Variants in KIAA0232 observed in about 807,000 individuals in gnomAD.
KIAA0232 encodes KIAA0232.
A neutral mutation model predicts 122.0 loss-of-function variants in KIAA0232; 27 were observed. That is an observed-to-expected ratio of 0.22 (90% confidence interval 0.16 to 0.31). The LOEUF (loss-of-function observed/expected upper bound fraction) is 0.31. Ranked by LOEUF, KIAA0232 falls within the 10% of genes least tolerant of loss-of-function variation. The pLI is 1.00. For missense variants in KIAA0232, 1,551 were observed against 1,634.2 expected (o/e 0.95, Z 0.88); for synonymous variants, 613 against 587.6 (o/e 1.04, Z -0.63).
At position 6,881,781 on chromosome 4, in the gene KIAA0232, T is replaced by G. The variant is rs1722083037; in HGVS notation, c.*815T>G. The G allele has an allele frequency of 6.6e-6, 1 of 152,578 alleles. No individual in the cohort carries two copies. Among genetic ancestry groups the G allele is most frequent in the African/African-American group, 2.4e-5 (1 of 41,436 alleles). The allele number at this position is 152,578 out of a possible 1,614,324, so 9.5% of individuals were successfully genotyped here. On this transcript the variant is annotated 3_prime_UTR_variant, in exon 10 of 10. Coordinates refer to ENST00000307659, the MANE Select transcript of KIAA0232 (RefSeq NM_014743.3). The stretch of plus-strand genomic sequence containing the variant: ...GAGTGTTCCATACGTGCTAAGGACC[T>G]TAGTTACAGATTGTTACTTTCTGGT...
chr4:6,848,264 G>C (rs899666857), intron 4 of KIAA0232, among the ~76,000 whole-genome samples: 2 of 152,194 alleles, frequency 1.3e-5, no homozygotes, highest in African/African-American at 4.8e-5. Context: ...TTTATATGCT[G>C]TACAGGGTTA....
At chr4:6,791,243 A>C (rs1388254455) in intron 1 of KIAA0232, among the ~76,000 whole-genome samples, 1 of 150,748 alleles carries the variant, frequency 6.6e-6, no homozygotes, top group Non-Finnish European at 1.5e-5. Flanking sequence ...TTAAAGTTTA[A>C]ATTAAACTTG....
At chr4:6,827,207 A>G (rs1718736553) in intron 3 of KIAA0232, among the ~76,000 whole-genome samples, 1 of 152,228 alleles carries the variant, frequency 6.6e-6, no homozygotes, top group African/African-American at 2.4e-5. Context: ...TGACTTGAGA[A>G]TCCTTTATCC....
rs1470650229 is a variant in KIAA0232 at position 6,861,028 on chromosome 4, A to G, written c.646A>G (p.Ser216Gly). 1 of 1,614,102 alleles carries G rather than the reference A, an allele frequency of 6.2e-7. No homozygotes were observed. ...SSSSSTAPPA[S>G]TDTSSPKDCN... ...TTCATCATCCACAGCCCCACCAGCT[A>G]GCACAGATACTTCCTCTCCTAAGGA... is the stretch of plus-strand genomic sequence containing the variant. The change falls in exon 7 of 10, where the codon AGC (serine) becomes GGC (glycine). Residue 216 changes from serine to glycine, a missense_variant. Physicochemically the swap from Ser to Gly is moderately conservative, Grantham distance 56. Transcript: ENST00000307659.
chr4:6,841,584 T>C (rs918472428), intron 3 of KIAA0232, among the ~76,000 whole-genome samples: 2 of 152,112 alleles, frequency 1.3e-5, no homozygotes, highest in Non-Finnish European at 2.9e-5. Flanking sequence ...AAGAGGGCAG[T>C]TAGGTAAGGA....
rs755477802 is a variant in KIAA0232 at position 6,862,997 on chromosome 4, A to G, written c.2615A>G (p.Gln872Arg). ...LDAEAELETLQEPDKAVRRSE... is the reference protein window; with the variant it reads ...LDAEAELETLREPDKAVRRSE... ...GCTGAAGCTGAACTGGAGACCCTTC[A>G]GGAGCCTGATAAGGCTGTGCGGAGG... Residue 872 changes from glutamine to arginine, a missense_variant, in exon 7 of 10, where the codon CAG becomes CGG. By Grantham distance (43) the Gln-to-Arg change is conservative. Around this residue, in one of 5 missense-constraint regions of KIAA0232, gnomAD observed 1,108 missense variants for 1,154.8 expected, o/e 0.96. Transcript: ENST00000307659. The G allele has an allele frequency of 6.2e-7, 1 of 1,614,256 alleles. No homozygotes were observed. Among genetic ancestry groups the G allele is most frequent in the Non-Finnish European group, 8.5e-7 (1 of 1,180,044 alleles).
At chr4:6,833,995 G>A (rs1032876555) in intron 3 of KIAA0232, among the ~76,000 whole-genome samples, 2 of 152,162 alleles carry the variant, frequency 1.3e-5, no homozygotes, top group African/African-American at 4.8e-5. Flanking sequence ...CTTGGAATCT[G>A]AAGACCTGTG....
intron 3 of KIAA0232, among the ~76,000 whole-genome samples, chr4:6,831,319 G>T (rs534637585): frequency 5.9e-5 from 9 of 152,172 alleles, no homozygotes; most frequent in Non-Finnish European, 1.2e-4. Flanking sequence ...CTCCCAAAGC[G>T]CTGGGATTAC....
At chr4:6,800,354 T>C (rs1489443360) in intron 1 of KIAA0232, among the ~76,000 whole-genome samples, 1 of 150,708 alleles carries the variant, frequency 6.6e-6, no homozygotes, top group Non-Finnish European at 1.5e-5. Flanking sequence ...TTACGTATGC[T>C]CTATTTTCTT....
intron 1 of KIAA0232, among the ~76,000 whole-genome samples, chr4:6,802,467 T>C (rs940956256): frequency 1.3e-5 from 2 of 152,180 alleles, no homozygotes; most frequent in Admixed American, 1.3e-4. Flanking sequence ...ATTGATTTCA[T>C]TTGACTCATT....
At chr4:6,826,695 C>T (rs1718704881) in intron 3 of KIAA0232, among the ~76,000 whole-genome samples, 1 of 152,060 alleles carries the variant, frequency 6.6e-6, no homozygotes, top group East Asian at 1.9e-4. Flanking sequence ...ATGTCTCTTT[C>T]TGTTGCCTAG....
intron 3 of KIAA0232, among the ~76,000 whole-genome samples, chr4:6,830,114 A>G (rs1430127775): frequency 6.6e-6 from 1 of 152,208 alleles, no homozygotes; most frequent in Non-Finnish European, 1.5e-5. Flanking sequence ...AAGCAAACAC[A>G]TATGTATCAT....
rs948750999 is a variant in KIAA0232, at chr4:6,881,720, A to G, written c.*754A>G. On this transcript the variant is annotated 3_prime_UTR_variant, in exon 10 of 10. Coordinates refer to ENST00000307659, the MANE Select transcript of KIAA0232 (RefSeq NM_014743.3). ...TTACCTGCTCTCATACTGCAGTTAC[A>G]TTTACACCAAAACCCCATGCAGGGT... 1 of 152,518 alleles carries G rather than the reference A, an allele frequency of 6.6e-6. No individual in the cohort carries two copies. The highest frequency in any genetic ancestry group is 1.5e-5 in the Non-Finnish European group (1 of 68,026). The allele number at this position is 152,518 out of a possible 1,614,324, so 9.4% of individuals were successfully genotyped here.
chr4:6,867,297 G>A (rs1253471737), intron 7 of KIAA0232, among the ~76,000 whole-genome samples: 1 of 152,182 alleles, frequency 6.6e-6, no homozygotes, highest in East Asian at 1.9e-4. Flanking sequence ...GGTTTCTTGA[G>A]CATATCTGAG....
chr4:6,853,272 A>C (rs1720391531), intron 4 of KIAA0232, among the ~76,000 whole-genome samples: 1 of 152,180 alleles, frequency 6.6e-6, no homozygotes, highest in African/African-American at 2.4e-5. Context: ...TAGAAATGAA[A>C]AACTCAATAG....
chr4:6,844,097 G>A (rs544657819), intron 4 of KIAA0232, among the ~76,000 whole-genome samples: 7 of 150,992 alleles, frequency 4.6e-5, no homozygotes, highest in South Asian at 2.1e-4. Flanking sequence ...CCGCCACCAC[G>A]CCCGGCTAAT....
chr4:6,859,117 AAAAAAAC>A (rs1324415434), intron 6 of KIAA0232, among the ~76,000 whole-genome samples: 1 of 151,544 alleles, frequency 6.6e-6, no homozygotes, highest in East Asian at 1.9e-4. Context: ...AAAAAAAAAA[AAAAAAAC>A]AAGAAAGAAA....
intron 8 of KIAA0232, 88 bp from the exon 9 acceptor site, chr4:6,876,572 A>G: frequency 1.0e-6 from 1 of 954,708 alleles, no homozygotes; most frequent in Admixed American, 1.9e-5. Flanking sequence ...TTTAGTGAAA[A>G]ATGAAACAAG....
At position 6,881,266 on chromosome 4, in the gene KIAA0232, A is replaced by C; in HGVS notation, c.*300A>C. On this transcript the variant is annotated 3_prime_UTR_variant, in exon 10 of 10. Transcript: ENST00000307659. ...AAGTATCACTGCTTTTTGCATCTTAACTGCAGTTAATTTTCCTTCCGACTG... is the reference window on the plus strand; with the variant it reads ...AAGTATCACTGCTTTTTGCATCTTACCTGCAGTTAATTTTCCTTCCGACTG... The C allele has an allele frequency of 4.4e-6, 1 of 227,030 alleles. No individual in the cohort carries two copies. Among genetic ancestry groups the C allele is most frequent in the Non-Finnish European group, 8.5e-6 (1 of 117,204 alleles). 14.1% of individuals were successfully genotyped at this position (227,030 alleles called of 1,614,324 possible). A position where few individuals can be genotyped will look rare whatever the true frequency, so the allele number is the denominator to read the frequency against.
Sources: gnomAD v4.1 joint callset for allele counts (sites outside exome capture counted in the v4.1 genomes callset) on GRCh38, gnomAD v4.1.1 for gene constraint, gnomAD v4.1.1 regional missense constraint, MANE v1.5 for transcripts, NCBI Gene and HGNC (gene_info 2026-07-23, HGNC 2026-07-21) for gene names.